Variants in GPC5 observed in about 807,000 individuals in gnomAD.
The protein encoded by GPC5 is glypican-5.
A neutral mutation model predicts 53.9 loss-of-function variants in GPC5; 47 were observed. That is an observed-to-expected ratio of 0.87 (90% CI 0.69 to 1.11). The LOEUF (loss-of-function observed/expected upper bound fraction) is 1.11, where lower values mean the gene tolerates loss of function less well. GPC5 is among the 50% of genes most tolerant of loss of function. GPC5 has a pLI of 0.00. For missense variants in GPC5, 748 were observed against 713.1 expected (o/e 1.05, Z -0.56); for synonymous variants, 286 against 263.3 (o/e 1.09, Z -0.84).
intron 7 of GPC5, among the ~76,000 whole-genome samples, chr13:92,628,580 T>A (rs1336819019): frequency 6.6e-6 from 1 of 152,086 alleles, no homozygotes; most frequent in Admixed American, 6.6e-5. Context: ...AAAATCTTCA[T>A]GTGCTCCTTT....
chr13:91,400,125 T>C (rs1876824846), intron 1 of GPC5, among the ~76,000 whole-genome samples: 1 of 152,146 alleles, frequency 6.6e-6, no homozygotes, highest in African/African-American at 2.4e-5. Flanking sequence ...AAGATCTCAC[T>C]AGAGCCATGC....
chr13:92,453,941 A>C (rs1468917754), intron 7 of GPC5, among the ~76,000 whole-genome samples: 1 of 152,180 alleles, frequency 6.6e-6, no homozygotes, highest in Non-Finnish European at 1.5e-5. Context: ...TTGTCGTATA[A>C]ATAGCACGCA....
At chr13:91,827,852 G>T (rs1289354493) in intron 5 of GPC5, among the ~76,000 whole-genome samples, 2 of 151,988 alleles carry the variant, frequency 1.3e-5, no homozygotes, top group African/African-American at 4.8e-5. Context: ...TTACCCAAGA[G>T]AAATTAAAAT....
chr13:91,610,304 T>C (rs2033507804), intron 2 of GPC5, among the ~76,000 whole-genome samples: 1 of 152,244 alleles, frequency 6.6e-6, no homozygotes, highest in Admixed American at 6.5e-5. Flanking sequence ...AAGAATTTAT[T>C]GCTTGCTTTG....
chr13:92,312,769 C>A (rs1322928765), intron 7 of GPC5, among the ~76,000 whole-genome samples: 1 of 152,070 alleles, frequency 6.6e-6, no homozygotes, highest in Non-Finnish European at 1.5e-5. Context: ...TAACAAGTAA[C>A]ATTTCTGTTT....
intron 2 of GPC5, among the ~76,000 whole-genome samples, chr13:91,485,495 G>T (rs568213667): frequency 6.6e-6 from 1 of 152,296 alleles, no homozygotes; most frequent in East Asian, 1.9e-4. Flanking sequence ...TGGGATTACA[G>T]GCGTGAGCCA....
chr13:91,914,358 C>T (rs989639539), intron 6 of GPC5, among the ~76,000 whole-genome samples: 2 of 152,042 alleles, frequency 1.3e-5, no homozygotes, highest in African/African-American at 4.8e-5. Context: ...ATTTAAGAAA[C>T]ATTTTATTTC....
At chr13:91,813,641 A>T (rs187562942) in intron 5 of GPC5, among the ~76,000 whole-genome samples, 37 of 152,284 alleles carry the variant, frequency 2.4e-4, no homozygotes, top group African/African-American at 8.9e-4. Flanking sequence ...AAGTTTGCCG[A>T]GTATTGGATA....
chr13:91,634,093 T>C (rs2034226840), intron 2 of GPC5, among the ~76,000 whole-genome samples: 1 of 152,156 alleles, frequency 6.6e-6, no homozygotes, highest in Non-Finnish European at 1.5e-5. Context: ...CATCATTTAT[T>C]GGCTTCCTCA....
intron 7 of GPC5, among the ~76,000 whole-genome samples, chr13:92,503,767 C>T (rs1432936933): frequency 3.3e-5 from 5 of 151,784 alleles, no homozygotes; most frequent in African/African-American, 2.4e-5. Flanking sequence ...TGTCAAATTG[C>T]ATGAAATATA....
At chr13:92,106,496 T>A (rs528588340) in intron 6 of GPC5, among the ~76,000 whole-genome samples, 1 of 152,014 alleles carries the variant, frequency 6.6e-6, no homozygotes, top group African/African-American at 2.4e-5. Flanking sequence ...TCACGAAACA[T>A]GCTTAAGACA....
chr13:91,948,240 A>AAT (rs1566357738), intron 6 of GPC5, among the ~76,000 whole-genome samples: 1 of 147,930 alleles, frequency 6.8e-6, no homozygotes, highest in Non-Finnish European at 1.5e-5. Flanking sequence ...AAAAAAAAAA[A>AAT]AAATAAATAA....
intron 7 of GPC5, among the ~76,000 whole-genome samples, chr13:92,498,985 A>T (rs1005898681): frequency 6.6e-6 from 1 of 152,074 alleles, no homozygotes; most frequent in African/African-American, 2.4e-5. Flanking sequence ...TACATCCTAG[A>T]TAGAATGCTG....
At chr13:92,133,941 T>G (rs1225031890) in intron 6 of GPC5, among the ~76,000 whole-genome samples, 1 of 152,156 alleles carries the variant, frequency 6.6e-6, no homozygotes, top group Non-Finnish European at 1.5e-5. Context: ...AGGCAAAATT[T>G]AGCAGATGAG....
At chr13:92,077,089 C>G (rs1176956467) in intron 6 of GPC5, among the ~76,000 whole-genome samples, 2 of 152,146 alleles carry the variant, frequency 1.3e-5, no homozygotes, top group African/African-American at 4.8e-5. Context: ...AAGCCCCACC[C>G]CCTGCTTTGA....
intron 2 of GPC5, among the ~76,000 whole-genome samples, chr13:91,555,791 G>A (rs1419217455): frequency 1.3e-5 from 2 of 152,044 alleles, no homozygotes; most frequent in African/African-American, 4.8e-5. Context: ...AGGCAAAAGA[G>A]AATGAGAACC....
intron 6 of GPC5, among the ~76,000 whole-genome samples, chr13:92,138,513 C>T (rs574258635): frequency 6.9e-6 from 1 of 145,708 alleles, no homozygotes. Flanking sequence ...GAGCCAGACT[C>T]CATCTCAAAA....
chr13:91,505,703 A>G (rs1249993493), intron 2 of GPC5, among the ~76,000 whole-genome samples: 7 of 152,104 alleles, frequency 4.6e-5, no homozygotes, highest in Admixed American at 4.6e-4. Context: ...CTCTGTATTC[A>G]TTGCCCGTTT....
At chr13:92,705,765 T>C (rs1887929220) in intron 7 of GPC5, among the ~76,000 whole-genome samples, 1 of 152,088 alleles carries the variant, frequency 6.6e-6, no homozygotes, top group Non-Finnish European at 1.5e-5. Context: ...CTAAATAGTA[T>C]TAAACAGTGA....
Sources: gnomAD v4.1 joint callset for allele counts (sites outside exome capture counted in the v4.1 genomes callset) on GRCh38, gnomAD v4.1.1 for gene constraint, MANE v1.5 for transcripts, NCBI Gene and HGNC (gene_info 2026-07-23, HGNC 2026-07-21) for gene names.